Variants in CSGALNACT1 observed in about 807,000 individuals in gnomAD.
CSGALNACT1 encodes the protein beta4GalNAcT-1.
In CSGALNACT1, 52 loss-of-function variants were observed where a neutral mutation model predicts 51.0. The ratio of observed to expected loss-of-function variants is 1.02; its 90% CI spans 0.82 to 1.29. The LOEUF (loss-of-function observed/expected upper bound fraction) is 1.29. CSGALNACT1 is among the 50% of genes most tolerant of loss of function. CSGALNACT1 has a pLI of 0.00. For missense variants in CSGALNACT1, 935 were observed against 679.2 expected, an observed-to-expected ratio of 1.38 and a Z score of -4.19; for synonymous variants, 341 against 254.4, an observed-to-expected ratio of 1.34 and a Z score of -3.24.
At chr8:19,536,661 A>G (rs757205700) in intron 3 of CSGALNACT1, among the ~76,000 whole-genome samples, 2 of 152,228 alleles carry the variant, frequency 1.3e-5, no homozygotes, top group Non-Finnish European at 2.9e-5. Flanking sequence ...ACATATGAAG[A>G]TTATAGAATC....
At chr8:19,666,940 AGAAAAAGAAAGAAAG>A (rs1372938106) in intron 1 of CSGALNACT1, among the ~76,000 whole-genome samples, 2 of 127,414 alleles carry the variant, frequency 1.6e-5, no homozygotes, top group Non-Finnish European at 3.3e-5. Context: ...AGAGAGAGAG[AGAAAAAGAAAGAAAG>A]AAAGAAAGAA....
At chr8:19,438,072 A>G (rs2060672099) in intron 6 of CSGALNACT1, among the ~76,000 whole-genome samples, 1 of 152,180 alleles carries the variant, frequency 6.6e-6, no homozygotes, top group Non-Finnish European at 1.5e-5. Context: ...AACCGTCAGC[A>G]AATGCCTGGT....
intron 1 of CSGALNACT1, among the ~76,000 whole-genome samples, chr8:19,702,405 G>A (rs1408327584): frequency 2.0e-5 from 3 of 152,068 alleles, no homozygotes; most frequent in Non-Finnish European, 4.4e-5. Flanking sequence ...CCAGCTACTT[G>A]GGAGGCTGAG....
chr8:19,659,325 T>G (rs1262963454), intron 1 of CSGALNACT1, among the ~76,000 whole-genome samples: 1 of 152,246 alleles, frequency 6.6e-6, no homozygotes, highest in African/African-American at 2.4e-5. Context: ...CAAGCAACAC[T>G]TTCTTCATCC....
chr8:19,708,394 C>A, intron 1 of CSGALNACT1, among the ~76,000 whole-genome samples: 1 of 152,122 alleles, frequency 6.6e-6, no homozygotes, highest in African/African-American at 2.4e-5. Flanking sequence ...TAACAGCTAC[C>A]CCAGATTTTA....
intron 4 of CSGALNACT1, among the ~76,000 whole-genome samples, chr8:19,470,487 G>A (rs993875895): frequency 6.6e-6 from 1 of 152,130 alleles, no homozygotes; most frequent in African/African-American, 2.4e-5. Context: ...AGGAACACAG[G>A]CAACAGAGGA....
rs556122815 is a variant in CSGALNACT1, at chr8:19,548,504, A to G, written c.-296-42374T>C. Among the ~76,000 whole-genome samples the G allele has an allele frequency of 2.2e-3, 336 of 152,288 alleles. 3 individuals are homozygous for G. Among genetic ancestry groups the G allele is most frequent in the African/African-American group, 7.8e-3 (326 of 41,566 alleles). ...AAATGCATTATTCACATGAAACTAA[A>G]CAATAGATTACTTTTCAATATATTC... On this transcript the variant is annotated intron_variant, in intron 3 of 9. Coordinates refer to ENST00000454498, the Ensembl canonical transcript of CSGALNACT1.
At chr8:19,717,099 C>T (rs2062854505) in intron 1 of CSGALNACT1, among the ~76,000 whole-genome samples, 2 of 152,158 alleles carry the variant, frequency 1.3e-5, no homozygotes, top group South Asian at 2.1e-4. Context: ...ATGTGATAAG[C>T]ACTATGCAGG....
chr8:19,413,632 T>C (rs1252194097), intron 8 of CSGALNACT1, among the ~76,000 whole-genome samples: 2 of 152,176 alleles, frequency 1.3e-5, no homozygotes, highest in Admixed American at 6.5e-5. Context: ...AGTAAAATAC[T>C]TTCTGAAGGG....
At chr8:19,708,677 G>T (rs1233906067) in intron 1 of CSGALNACT1, among the ~76,000 whole-genome samples, 1 of 152,200 alleles carries the variant, frequency 6.6e-6, no homozygotes, top group African/African-American at 2.4e-5. Context: ...AGGAGATGGG[G>T]AAGACTTCCT....
intron 1 of CSGALNACT1, among the ~76,000 whole-genome samples, chr8:19,729,608 A>G (rs941622479): frequency 1.3e-5 from 2 of 152,222 alleles, no homozygotes; most frequent in African/African-American, 4.8e-5. Context: ...GGACCTCACC[A>G]AGGCCAATTG....
intron 1 of CSGALNACT1, among the ~76,000 whole-genome samples, chr8:19,702,638 C>T (rs554740302): frequency 1.3e-5 from 2 of 152,184 alleles, no homozygotes; most frequent in Non-Finnish European, 2.9e-5. Flanking sequence ...CTGGTTGTCC[C>T]CTGCATGCAC....
intron 3 of CSGALNACT1, among the ~76,000 whole-genome samples, chr8:19,529,365 C>T (rs962281789): frequency 1.1e-4 from 16 of 152,136 alleles, no homozygotes; most frequent in South Asian, 4.2e-4. Flanking sequence ...ACTGACCAGA[C>T]CTGTGGGCCT....
At chr8:19,453,123 G>T (rs1489459433) in intron 5 of CSGALNACT1, among the ~76,000 whole-genome samples, 1 of 152,046 alleles carries the variant, frequency 6.6e-6, no homozygotes, top group Non-Finnish European at 1.5e-5. Flanking sequence ...AAAAGAAAAA[G>T]TTAAGAAATA....
At chr8:19,610,951 G>C (rs2052172056) in intron 1 of CSGALNACT1, among the ~76,000 whole-genome samples, 1 of 152,244 alleles carries the variant, frequency 6.6e-6, no homozygotes, top group African/African-American at 2.4e-5. Flanking sequence ...TCCACCCCGA[G>C]ACGTGGGGCG....
At chr8:19,599,492 G>GAAAAGAAAAGAA (rs2049856138) in intron 2 of CSGALNACT1, among the ~76,000 whole-genome samples, 1 of 97,238 alleles carries the variant, frequency 1.0e-5, no homozygotes, top group Non-Finnish European at 2.4e-5. Flanking sequence ...AAGAAAGAAA[G>GAAAAGAAAAGAA]AAAGAAAGAA....
At chr8:19,529,694 G>A (rs2082362312) in intron 3 of CSGALNACT1, among the ~76,000 whole-genome samples, 1 of 151,968 alleles carries the variant, frequency 6.6e-6, no homozygotes, top group South Asian at 2.1e-4. Context: ...TTGTCGCTTG[G>A]TATCCATGAG....
chr8:19,433,665 A>G, intron 6 of CSGALNACT1, among the ~76,000 whole-genome samples: 1 of 152,220 alleles, frequency 6.6e-6, no homozygotes, highest in Non-Finnish European at 1.5e-5. Flanking sequence ...GGACAGTTCA[A>G]ATAGTGACAA....
At chr8:19,671,243 G>A (rs1021340486) in intron 1 of CSGALNACT1, among the ~76,000 whole-genome samples, 11 of 152,164 alleles carry the variant, frequency 7.2e-5, no homozygotes, top group African/African-American at 2.7e-4. Context: ...GACCCTGAAG[G>A]TTCTAAGATG....
Sources: allele counts gnomAD v4.1 joint callset (sites outside exome capture counted in the v4.1 genomes callset), GRCh38; gene constraint gnomAD v4.1.1; transcripts MANE v1.5; gene names NCBI Gene and HGNC (gene_info 2026-07-23, HGNC 2026-07-21).